The following C10orf67 variants were observed in gnomAD, a reference collection of about 807,000 sequenced individuals.
C10orf67 encodes the protein chromosome 10 open reading frame 67.
A neutral mutation model predicts 35.6 loss-of-function variants in C10orf67; 60 were observed. The ratio of observed to expected loss-of-function variants is 1.68; its 90% CI spans 1.37 to 2.09. C10orf67 has a LOEUF of 2.09. Ranked by LOEUF, C10orf67 falls within the 30% of genes most tolerant of loss-of-function variation. The pLI, the probability that C10orf67 is intolerant of heterozygous loss-of-function variation, is 0.00. For synonymous variants in C10orf67, 167 were observed against 115.8 expected, an observed-to-expected ratio of 1.44 and a Z score of -2.84; for missense variants, 474 against 330.2, an observed-to-expected ratio of 1.44 and a Z score of -3.38.
chr10:23,268,826 C>A (rs1842948109), intron 8 of C10orf67, among the ~76,000 whole-genome samples: 1 of 152,212 alleles, frequency 6.6e-6, no homozygotes, highest in Non-Finnish European at 1.5e-5. Flanking sequence ...GGCCACAAAC[C>A]TGAACAGCAT....
At chr10:23,219,272 T>C (rs1300489057) in intron 15 of C10orf67, among the ~76,000 whole-genome samples, 1 of 152,238 alleles carries the variant, frequency 6.6e-6, no homozygotes, top group Non-Finnish European at 1.5e-5. Flanking sequence ...CAGATACTGA[T>C]GTTTGAGCTT....
At chr10:23,225,225 A>G (rs1009797685) in intron 13 of C10orf67, among the ~76,000 whole-genome samples, 1 of 152,208 alleles carries the variant, frequency 6.6e-6, no homozygotes, top group South Asian at 2.1e-4. Context: ...CAACATTCTT[A>G]AAGAAAATAA....
chr10:23,294,982 C>T (rs149663614), intron 5 of C10orf67, among the ~76,000 whole-genome samples: 2 of 152,190 alleles, frequency 1.3e-5, no homozygotes, highest in Non-Finnish European at 2.9e-5. Flanking sequence ...GCCTTTGTGG[C>T]ATTCATGTCT....
intron 5 of C10orf67, among the ~76,000 whole-genome samples, chr10:23,296,180 CTT>C (rs201455113): frequency 3.4e-5 from 5 of 145,676 alleles, no homozygotes; most frequent in African/African-American, 2.5e-5. Context: ...TCTATGTGTA[CTT>C]TTTTTTTTTT....
chr10:23,301,221 T>G (rs1844061502), intron 5 of C10orf67, among the ~76,000 whole-genome samples: 1 of 152,204 alleles, frequency 6.6e-6, no homozygotes, highest in Non-Finnish European at 1.5e-5. Context: ...AACCGGCTAC[T>G]GCCAGGAGTT....
intron 5 of C10orf67, among the ~76,000 whole-genome samples, chr10:23,302,687 G>T (rs964547986): frequency 2.2e-4 from 34 of 152,150 alleles, no homozygotes; most frequent in Non-Finnish European, 4.4e-5. Flanking sequence ...TTCGTTCTCA[G>T]GATCCACATT....
At chr10:23,232,989 T>C (rs1221022527) in intron 13 of C10orf67, among the ~76,000 whole-genome samples, 1 of 152,050 alleles carries the variant, frequency 6.6e-6, no homozygotes, top group Non-Finnish European at 1.5e-5. Context: ...AGACTTTGTC[T>C]CTAAAGAATA....
intron 13 of C10orf67, among the ~76,000 whole-genome samples, chr10:23,234,948 G>T (rs537639925): frequency 7.1e-6 from 1 of 141,230 alleles, no homozygotes; most frequent in Non-Finnish European, 1.5e-5. Context: ...GGAGGCGGAG[G>T]TTGCGGTGAG....
At chr10:23,217,008 T>C (rs890435600) in intron 15 of C10orf67, among the ~76,000 whole-genome samples, 1 of 152,200 alleles carries the variant, frequency 6.6e-6, no homozygotes, top group African/African-American at 2.4e-5. Context: ...AAATATTTCC[T>C]CATAAAAAAT....
chr10:23,291,719 T>C (rs749886427), intron 5 of C10orf67, among the ~76,000 whole-genome samples: 1 of 152,128 alleles, frequency 6.6e-6, no homozygotes, highest in Non-Finnish European at 1.5e-5. Flanking sequence ...CTTGTTGCCT[T>C]TGTGGCATTT....
intron 15 of C10orf67, among the ~76,000 whole-genome samples, chr10:23,223,302 T>C (rs921215348): frequency 6.6e-6 from 1 of 152,096 alleles, no homozygotes; most frequent in South Asian, 2.1e-4. Flanking sequence ...TAGGCTGATC[T>C]CAAACTCCTG....
chr10:23,241,469 T>C (rs1842174257), intron 12 of C10orf67, among the ~76,000 whole-genome samples: 1 of 152,196 alleles, frequency 6.6e-6, no homozygotes, highest in Non-Finnish European at 1.5e-5. Context: ...GCATGCAGGA[T>C]AGGCATGATT....
chr10:23,254,185 T>C (rs1389498746), intron 10 of C10orf67, among the ~76,000 whole-genome samples: 1 of 152,220 alleles, frequency 6.6e-6, no homozygotes, highest in East Asian at 1.9e-4. Context: ...ATTGTAAAGA[T>C]AATAACATAC....
intron 3 of C10orf67, among the ~76,000 whole-genome samples, chr10:23,321,956 G>A (rs762613426): frequency 6.6e-6 from 1 of 152,090 alleles, no homozygotes; most frequent in Non-Finnish European, 1.5e-5. Context: ...TCTGGCTCAT[G>A]CTTTTATTCT....
In C10orf67 at chr10:23,267,245, G is replaced by A; in HGVS notation, c.985C>T (p.Gln329Ter). ...KSLVQDVINK[Q>*]KEDKEMRKKY... ...TTTCTCATTTCCTTGTCCTCTTTCT[G>A]TTTATTAATCTGTAAAATTGAAGAC... is the stretch of plus-strand genomic sequence containing the variant. The change falls in exon 9 of 16, where the codon CAG becomes TAG. Residue 329 changes from glutamine (Q) to a stop codon, truncating the protein, a stop_gained. Transcript: ENST00000636213. LOFTEE classifies it high-confidence loss of function. 2 of 715,100 alleles carry A rather than the reference G, an allele frequency of 2.8e-6. No homozygotes were observed. Among genetic ancestry groups the A allele is most frequent in the Non-Finnish European group, 2.6e-6 (1 of 384,508 alleles). 44.3% of individuals were successfully genotyped at this position (715,100 alleles called of 1,614,324 possible). A position where few individuals can be genotyped will look rare whatever the true frequency, so the allele number is the denominator to read the frequency against.
In C10orf67 at chr10:23,322,406, C is replaced by T. The variant is rs1486256528; in HGVS notation, c.459G>A (p.Lys153=). The T allele has an allele frequency of 6.2e-7, 1 of 1,609,416 alleles. No individual in the cohort carries two copies. The highest frequency in any genetic ancestry group is 2.2e-5 in the East Asian group (1 of 44,838). The change falls in exon 3 of 16, where the codon AAG becomes AAA. Residue 153 remains lysine, a synonymous_variant. Transcript: ENST00000636213. ...ILHDRILEIE[K]HYQQNEDKMR... ...AGAGAACATTTACCTGTTGATAATG[C>T]TTTTCAATTTCTAGGATCCTGTCAT...
intron 12 of C10orf67, among the ~76,000 whole-genome samples, chr10:23,241,877 T>A (rs991523216): frequency 6.6e-6 from 1 of 151,256 alleles, no homozygotes. Context: ...AGGGAAAAAA[T>A]TTAAAGTACC....
chr10:23,325,884 T>C (rs1047291239), intron 2 of C10orf67, among the ~76,000 whole-genome samples: 1 of 151,594 alleles, frequency 6.6e-6, no homozygotes, highest in African/African-American at 2.4e-5. Flanking sequence ...GAAAACAAAT[T>C]CCCAAATTGA....
chr10:23,316,257 C>T (rs1289856810), intron 4 of C10orf67, among the ~76,000 whole-genome samples: 1 of 152,198 alleles, frequency 6.6e-6, no homozygotes, highest in African/African-American at 2.4e-5. Flanking sequence ...GACAAAGGTG[C>T]CAGCTCCCTG....
Sources: allele counts gnomAD v4.1 joint callset (sites outside exome capture counted in the v4.1 genomes callset), GRCh38; gene constraint gnomAD v4.1.1; transcripts MANE v1.5; gene names NCBI Gene and HGNC (gene_info 2026-07-23, HGNC 2026-07-21).